Variants in FAT3 observed in about 807,000 individuals in gnomAD.
The protein encoded by FAT3 is FAT atypical cadherin 3.
FAT3 carries 95 observed loss-of-function variants against 310.2 expected under a neutral mutation model. The observed-to-expected ratio is 0.31, with a 90% CI of 0.26 to 0.36. FAT3 has a LOEUF of 0.36. Ranked by LOEUF, FAT3 falls within the 10% of genes least tolerant of loss-of-function variation. The probability of loss-of-function intolerance (pLI) is 1.00; values close to 1 mark genes in which losing one functional copy is unlikely to be tolerated. For synonymous variants in FAT3, 2,314 were observed against 2,192.9 expected (o/e 1.06, Z -1.54); for missense variants, 5,408 against 5,715.6 (o/e 0.95, Z 1.74).
At position 92,352,562 on chromosome 11, in the gene FAT3, T is replaced by C; in HGVS notation, c.450T>C (p.Asp150=). ...CCAAAGTGAATATACAGGTTTTAGA[T>C]ATGAATGATCTGAGACCTTTGTTTT... ...AWTKVNIQVL[D]MNDLRPLFSP... The change falls in exon 2 of 28, where the codon GAT becomes GAC. Residue 150 remains aspartate (D), a synonymous_variant. Coordinates refer to ENST00000525166, the MANE Select transcript of FAT3 (RefSeq NM_001367949.2). 1.2e-6 allele frequency: 2 copies of C among 1,613,780 alleles called. No individual in the cohort carries two copies. Among genetic ancestry groups the C allele is most frequent in the East Asian group, 2.2e-5 (1 of 44,878 alleles).
intron 4 of FAT3, among the ~76,000 whole-genome samples, chr11:92,712,078 A>T (rs1424825096): frequency 6.6e-6 from 1 of 152,196 alleles, no homozygotes; most frequent in East Asian, 1.9e-4. Flanking sequence ...AGCTGTCTGC[A>T]TTCTCTACTG....
In FAT3 at chr11:92,844,016, C is replaced by T. The variant is rs774852831; in HGVS notation, c.10649C>T (p.Thr3550Ile). 3.1e-6 allele frequency: 5 copies of T among 1,614,024 alleles called. No homozygotes were observed. The Admixed American group carries it at 8.3e-5, about 27-fold the overall frequency. Residue 3550 changes from threonine to isoleucine, a missense_variant, in exon 19 of 28, where the codon ACA becomes ATA. By Grantham distance (89) the Thr-to-Ile change is moderately conservative. Transcript: ENST00000525166. ...RVIEESTHKP[T>I]AIPLEIFIVT... ...ATTGAGGAAAGCACCCACAAGCCCA[C>T]AGCCATTCCCCTGGAAATTTTCATT...
In FAT3 at chr11:92,410,139, T is replaced by C. The variant is rs577572601; in HGVS notation, c.3292+54735T>C. On this transcript the variant is annotated intron_variant, in intron 2 of 27. Transcript: ENST00000525166. ...ATTATGACTATACCTGCTATGTGTG[T>C]GGTGGTTGGTGATTTTTTTTTAAAT... Among the ~76,000 whole-genome samples, 29 of 152,256 alleles carry C rather than the reference T, an allele frequency of 1.9e-4. 1 individual carries two copies. In the South Asian group the frequency reaches 5.8e-3, roughly 30 times the overall value.
chr11:92,338,560 C>T (rs12361117), intron 1 of FAT3, among the ~76,000 whole-genome samples: 54,377 of 151,732 alleles, frequency 0.36, 14,102 homozygotes, highest in African/African-American at 0.74. Context: ...TGAGGCCACT[C>T]GAAGGCCTGG....
At chr11:92,267,470 A>G (rs1945998578) in intron 1 of FAT3, among the ~76,000 whole-genome samples, 1 of 152,082 alleles carries the variant, frequency 6.6e-6, no homozygotes, top group Non-Finnish European at 1.5e-5. Context: ...AGGAACCTGG[A>G]AAGAGCACAG....
chr11:92,657,853 T>A (rs1942636958), intron 3 of FAT3, among the ~76,000 whole-genome samples: 1 of 152,162 alleles, frequency 6.6e-6, no homozygotes, highest in East Asian at 1.9e-4. Context: ...GATAGGATAC[T>A]CCTAGCACAT....
intron 7 of FAT3, among the ~76,000 whole-genome samples, chr11:92,784,579 T>G (rs561388133): frequency 6.6e-6 from 1 of 152,290 alleles, no homozygotes. Context: ...TCTGAAGAGA[T>G]TTCCTATATT....
chr11:92,837,906 G>A (rs757956832), intron 17 of FAT3, 100 bp downstream of exon 17: 2 of 1,420,212 alleles, frequency 1.4e-6, no homozygotes, highest in African/African-American at 1.4e-5. Flanking sequence ...ATTACTTAAT[G>A]TCATCTCATC....
chr11:92,402,963 G>A (rs1019829212), intron 2 of FAT3, among the ~76,000 whole-genome samples: 7 of 152,010 alleles, frequency 4.6e-5, no homozygotes, highest in Non-Finnish European at 7.4e-5. Flanking sequence ...GGGACATAAA[G>A]AAGTGGAATT....
At position 92,353,013 on chromosome 11, in the gene FAT3, G is replaced by C. The variant is rs1338049945; in HGVS notation, c.901G>C (p.Val301Leu). The change falls in exon 2 of 28, where the codon GTT becomes CTT. Residue 301 changes from valine to leucine, a missense_variant. This residue lies in a region of FAT3 where 4,588 missense variants were observed against 4,809.8 expected (regional missense o/e 0.95). Coordinates refer to ENST00000525166, the MANE Select transcript of FAT3 (RefSeq NM_001367949.2). ...TGGAGCGAATGGAGAGATCGAATCT[G>C]TTTCCATTGTGGCTGGGGATCCTTT... The part of the protein sequence containing the change: ...DDGANGEIES[V>L]SIVAGDPLDQ... 2 of 1,613,790 alleles carry C rather than the reference G, an allele frequency of 1.2e-6. No individual in the cohort carries two copies. The highest frequency in any genetic ancestry group is 3.3e-5 in the Admixed American group (2 of 59,922).
chr11:92,880,812 G>A lies in FAT3; in HGVS notation c.12209G>A (p.Arg4070Gln), dbSNP rs201379307. ...EITACFPNPC[R>Q]NGGSCDPIGN... ...ACAGCCTGCTTCCCAAACCCCTGCC[G>A]GAATGGAGGATCCTGCGATCCAATA... Residue 4070 changes from arginine (R) to glutamine (Q), a missense_variant, in exon 23 of 28, where the codon CGG becomes CAG. By Grantham distance (43) the Arg-to-Gln change is conservative. Around this residue, in one of 5 missense-constraint regions of FAT3, gnomAD observed 14 missense variants for 34.4 expected, o/e 0.41. Coordinates refer to ENST00000525166, the MANE Select transcript of FAT3 (RefSeq NM_001367949.2). 1,977 of 1,613,904 alleles carry A rather than the reference G, an allele frequency of 1.2e-3. 2 individuals carry two copies. Among genetic ancestry groups the A allele is most frequent in the Non-Finnish European group, 1.6e-3 (1,854 of 1,179,872 alleles).
intron 3 of FAT3, among the ~76,000 whole-genome samples, chr11:92,683,072 T>TAAAAAA (rs1179409316): frequency 8.7e-6 from 1 of 114,846 alleles, no homozygotes; most frequent in Admixed American, 8.6e-5. Context: ...AGCAAGACTC[T>TAAAAAA]AAAAAAAAAA....
Position 92,800,432 on chromosome 11 carries a change from T to A in FAT3, c.7419T>A (p.Asp2473Glu). The change falls in exon 10 of 28, where the codon GAT becomes GAA. Residue 2473 changes from aspartate (D) to glutamate (E), a missense_variant. Around this residue, in one of 5 missense-constraint regions of FAT3, gnomAD observed 4,588 missense variants for 4,809.8 expected, o/e 0.95. Coordinates refer to ENST00000525166, the MANE Select transcript of FAT3 (RefSeq NM_001367949.2). ...PLYSLNVSVSDGLFTSTAQVH... is the reference protein window; with the variant it reads ...PLYSLNVSVSEGLFTSTAQVH... ...ACAGTCTCAATGTGTCTGTCTCTGA[T>A]GGGTTGTTCACCAGCACTGCACAGG... is the stretch of plus-strand genomic sequence containing the variant. The A allele has an allele frequency of 1.2e-6, 2 of 1,614,018 alleles. No individual in the cohort carries two copies. The highest frequency in any genetic ancestry group is 1.7e-6 in the Non-Finnish European group (2 of 1,179,876).
At chr11:92,533,133 AAGCAATTCTCTT>A (rs1301447820) in intron 3 of FAT3, among the ~76,000 whole-genome samples, 1 of 152,126 alleles carries the variant, frequency 6.6e-6, no homozygotes, top group Admixed American at 6.5e-5. Context: ...TCCTGGACTC[AAGCAATTCTCTT>A]AGCCTCCCAA....
rs1220288271 is a variant in FAT3, at chr11:92,649,871, GTTCATA to G, written c.3608-47511_3608-47506del. Among the ~76,000 whole-genome samples the G allele has an allele frequency of 7.5e-3, 857 of 114,034 alleles. 25 individuals are homozygous for G. The highest frequency in any genetic ancestry group is 0.024 in the African/African-American group (704 of 29,762). The allele number at this position is 114,034 out of a possible 152,430, so 74.8% of individuals were successfully genotyped here. On this transcript the variant is annotated intron_variant, in intron 3 of 27. Transcript: ENST00000525166. Reference sequence around the variant, plus strand: ...CATTTGTTAAACACCCACTTTGTATGTTCATATATATATATATATATATATATATAT... The same window carrying G: ...CATTTGTTAAACACCCACTTTGTATGTATATATATATATATATATATATAT...
intron 2 of FAT3, among the ~76,000 whole-genome samples, chr11:92,414,554 C>A (rs932680480): frequency 2.6e-5 from 4 of 152,128 alleles, no homozygotes; most frequent in Non-Finnish European, 4.4e-5. Flanking sequence ...TAAAGCATTG[C>A]ATTAGTTTTG....
At chr11:92,813,257 G>T (rs911281109) in intron 13 of FAT3, among the ~76,000 whole-genome samples, 3 of 152,144 alleles carry the variant, frequency 2.0e-5, no homozygotes, top group African/African-American at 4.8e-5. Flanking sequence ...GAATGACAAG[G>T]AAAGGTCTTA....
intron 3 of FAT3, among the ~76,000 whole-genome samples, chr11:92,573,821 C>G (rs778330832): frequency 8.5e-5 from 13 of 152,072 alleles, no homozygotes; most frequent in Middle Eastern, 3.2e-3. Context: ...TTTTGGGCTT[C>G]TGGCCTCCAG....
At chr11:92,567,202 AACCCCAT>A (rs1955490884) in intron 3 of FAT3, among the ~76,000 whole-genome samples, 1 of 5,208 alleles carries the variant, frequency 1.9e-4, no homozygotes. Flanking sequence ...AAAAAAACAA[AACCCCAT>A]CAAAAAGTGG....
Sources: gnomAD v4.1 joint callset for allele counts (sites outside exome capture counted in the v4.1 genomes callset) on GRCh38, gnomAD v4.1.1 for gene constraint, gnomAD v4.1.1 regional missense constraint, MANE v1.5 for transcripts, NCBI Gene and HGNC (gene_info 2026-07-23, HGNC 2026-07-21) for gene names.